The following EPB41L3 variants were observed in gnomAD, a reference collection of about 807,000 sequenced individuals.
The protein encoded by EPB41L3 is band 4.1-like protein 3.
In EPB41L3, 57 loss-of-function variants were observed where a neutral mutation model predicts 127.1. The observed-to-expected ratio is 0.45, with a 90% confidence interval of 0.36 to 0.56. The LOEUF is 0.56. EPB41L3 is among the 20% of genes least tolerant of loss of function. EPB41L3 has a pLI of 0.00. For synonymous variants in EPB41L3, 572 were observed against 549.5 expected (o/e 1.04, Z -0.57); for missense variants, 1,273 against 1,372.2 (o/e 0.93, Z 1.14).
chr18:5,425,323 G>A (rs78127447), intron 9 of EPB41L3, among the ~76,000 whole-genome samples: 11,525 of 152,170 alleles, frequency 0.076, 743 homozygotes, highest in African/African-American at 0.17. Flanking sequence ...TGCTTCAACC[G>A]CAATTGCCTT....
At chr18:5,473,438 G>A (rs1011468471) in intron 3 of EPB41L3, among the ~76,000 whole-genome samples, 8 of 151,780 alleles carry the variant, frequency 5.3e-5, no homozygotes, top group Admixed American at 4.6e-4. Flanking sequence ...AGATGCAGCA[G>A]CAAACCTATC....
chr18:5,579,354 T>A (rs184362928), intron 3 of EPB41L3, among the ~76,000 whole-genome samples: 4 of 152,336 alleles, frequency 2.6e-5, no homozygotes, highest in Admixed American at 6.5e-5. Flanking sequence ...TCCTAGCTGT[T>A]GTTTTGGCAG....
chr18:5,597,551 A>G (rs569849966), intron 3 of EPB41L3, among the ~76,000 whole-genome samples: 50 of 152,294 alleles, frequency 3.3e-4, no homozygotes, highest in African/African-American at 1.1e-3. Context: ...ATTATTCATT[A>G]TACATTAAAC....
intron 3 of EPB41L3, among the ~76,000 whole-genome samples, chr18:5,605,225 T>A (rs180996588): frequency 5.5e-4 from 84 of 152,286 alleles, no homozygotes; most frequent in African/African-American, 1.9e-3. Context: ...TGCCCAGCCC[T>A]GCTTTCTTCC....
intron 3 of EPB41L3, among the ~76,000 whole-genome samples, chr18:5,597,498 C>T (rs1004949025): frequency 1.2e-4 from 18 of 151,974 alleles, no homozygotes; most frequent in African/African-American, 4.4e-4. Context: ...TCTCCCAATC[C>T]CATGGTAACT....
At chr18:5,542,621 C>T (rs1182376132) in intron 1 of EPB41L3, among the ~76,000 whole-genome samples, 1 of 152,210 alleles carries the variant, frequency 6.6e-6, no homozygotes, top group African/African-American at 2.4e-5. Flanking sequence ...CCCAGCCCAA[C>T]CTCCACAAGT....
intron 1 of EPB41L3, among the ~76,000 whole-genome samples, chr18:5,512,844 A>C (rs1415934566): frequency 6.6e-6 from 1 of 152,200 alleles, no homozygotes; most frequent in Non-Finnish European, 1.5e-5. Flanking sequence ...TGGCTCTGCA[A>C]ACGTAGACTT....
intron 3 of EPB41L3, among the ~76,000 whole-genome samples, chr18:5,565,550 A>T (rs1038658775): frequency 6.7e-6 from 1 of 150,074 alleles, no homozygotes; most frequent in African/African-American, 2.5e-5. Context: ...GGTGTGCTGC[A>T]CCCATTAACT....
rs148045283 is a variant in EPB41L3 at position 5,396,315 on chromosome 18, C to T, written c.2859G>A (p.Thr953=). 469 of 1,613,982 alleles carry T rather than the reference C, an allele frequency of 2.9e-4. No individual in the cohort carries two copies. Among genetic ancestry groups the T allele is most frequent in the Non-Finnish European group, 3.6e-4 (430 of 1,180,030 alleles). The change falls in exon 19 of 23, where the codon ACG becomes ACA. Residue 953 remains threonine (T), a synonymous_variant. Transcript: ENST00000341928. ...AAACACTGCCAAAACTGATGGTTTC[C>T]GTCTTCACCGTTGAGGACTGTGCCA... ...KPHFESSTVK[T]ETISFGSVSP...
At chr18:5,568,288 C>T (rs1480543688) in intron 3 of EPB41L3, among the ~76,000 whole-genome samples, 1 of 151,716 alleles carries the variant, frequency 6.6e-6, no homozygotes, top group South Asian at 2.1e-4. Context: ...GCATGCAGTA[C>T]GTAGGTTTTC....
In EPB41L3 at chr18:5,397,549, T is replaced by C; in HGVS notation, c.2473-123A>G. The stretch of plus-strand genomic sequence containing the variant: ...AGCAAGTGCTTATAACCAGAAACAC[T>C]GACGAAAAATATAAATTAGCTTTCA... On this transcript the variant is annotated intron_variant, in intron 17 of 22. Transcript: ENST00000341928. This position sits in a 1 kb window ranked among gnomAD's most constrained non-coding sequence, Gnocchi z 4.1. The C allele has an allele frequency of 8.5e-7, 1 of 1,180,476 alleles. No individual in the cohort carries two copies. The highest frequency in any genetic ancestry group is 2.4e-5 in the East Asian group (1 of 41,362). The allele number at this position is 1,180,476 out of a possible 1,614,324, so 73.1% of individuals were successfully genotyped here.
intron 3 of EPB41L3, among the ~76,000 whole-genome samples, chr18:5,583,370 C>T (rs1325625884): frequency 6.6e-6 from 1 of 152,206 alleles, no homozygotes; most frequent in Non-Finnish European, 1.5e-5. Flanking sequence ...AATTCAAGAG[C>T]TCTTCCCTGT....
intron 3 of EPB41L3, chr18:5,570,676 A>G (rs916876332): frequency 1.3e-5 from 2 of 152,162 alleles, no homozygotes; most frequent in Admixed American, 1.3e-4. Flanking sequence ...ATATGTAGAC[A>G]TGTGCCATGT....
In EPB41L3 at chr18:5,428,337, A is replaced by T; in HGVS notation, c.1041T>A (p.Phe347Leu). The T allele has an allele frequency of 3.1e-6, 5 of 1,614,184 alleles. No homozygotes were observed. Among genetic ancestry groups the T allele is most frequent in the Non-Finnish European group, 4.2e-6 (5 of 1,180,032 alleles). Residue 347 changes from phenylalanine to leucine, a missense_variant, in exon 9 of 23, where the codon TTT becomes TTA. By Grantham distance (22) the Phe-to-Leu change is conservative. Coordinates refer to ENST00000341928, the MANE Select transcript of EPB41L3 (RefSeq NM_012307.5). ...VLKISYKRNN[F>L]YIKIRPGEFE... ...CCTCTCCCGGCCGGATCTTAATGTAAAAGTTGTTCCGTTTGTATGAAATCT... is the reference window on the plus strand; with the variant it reads ...CCTCTCCCGGCCGGATCTTAATGTATAAGTTGTTCCGTTTGTATGAAATCT...
At chr18:5,414,724 G>A (rs1162173221) in intron 13 of EPB41L3, among the ~76,000 whole-genome samples, 3 of 152,200 alleles carry the variant, frequency 2.0e-5, no homozygotes, top group Non-Finnish European at 4.4e-5. Flanking sequence ...CAGGGCCTCT[G>A]GTGGCAGCTT....
At chr18:5,506,693 T>A (rs2092229484) in intron 1 of EPB41L3, among the ~76,000 whole-genome samples, 1 of 152,152 alleles carries the variant, frequency 6.6e-6, no homozygotes, top group Non-Finnish European at 1.5e-5. Flanking sequence ...ATCCCAGGCA[T>A]CTAGAATAGT....
intron 3 of EPB41L3, among the ~76,000 whole-genome samples, chr18:5,558,510 T>C (rs2094073913): frequency 6.6e-6 from 1 of 152,204 alleles, no homozygotes; most frequent in Admixed American, 6.5e-5. Context: ...GTGGAGAGTG[T>C]ACGCCTATAG....
intron 1 of EPB41L3, among the ~76,000 whole-genome samples, chr18:5,525,762 T>C (rs1489802567): frequency 6.6e-6 from 1 of 152,242 alleles, no homozygotes; most frequent in Non-Finnish European, 1.5e-5. Context: ...TATTAGAGAA[T>C]GCATTCTCTT....
At chr18:5,464,158 A>G (rs2084538656) in intron 3 of EPB41L3, among the ~76,000 whole-genome samples, 2 of 152,222 alleles carry the variant, frequency 1.3e-5, no homozygotes, top group Non-Finnish European at 2.9e-5. Context: ...TCACGCACAT[A>G]GTTAGAACTA....
Sources: allele counts gnomAD v4.1 joint callset (sites outside exome capture counted in the v4.1 genomes callset), GRCh38; gene constraint gnomAD v4.1.1; non-coding constraint Gnocchi (gnomAD v3.1); transcripts MANE v1.5; gene names NCBI Gene and HGNC (gene_info 2026-07-23, HGNC 2026-07-21).